Variants in AASS observed in about 807,000 individuals in gnomAD.
The protein encoded by AASS is alpha-aminoadipic semialdehyde synthase, mitochondrial.
Under a neutral mutation model 105.4 loss-of-function variants are expected in AASS, and 86 were observed. That is an observed-to-expected ratio of 0.82 (90% CI 0.69 to 0.98). The LOEUF (loss-of-function observed/expected upper bound fraction) is 0.98. AASS is among the 50% of genes least tolerant of loss of function. The pLI is 0.00. For missense variants in AASS, 1,048 were observed against 1,143.2 expected, an observed-to-expected ratio of 0.92 and a Z score of 1.20; for synonymous variants, 381 against 394.8, an observed-to-expected ratio of 0.96 and a Z score of 0.41.
At position 122,113,165 on chromosome 7, in the gene AASS, CTT is replaced by C; in HGVS notation, c.1229_1230del (p.Glu410GlyfsTer14). ...AGCATGTCTCCAAAGCATTCTGTAG[CTT>C]CAATTGGGAGCTGTGCCGGCAAATT... ...IDNLPAQLPI[E>X]ATECFGDMLY... On this transcript the variant is annotated frameshift_variant, in exon 11 of 24. Transcript: ENST00000417368. LOFTEE classifies it high-confidence loss of function. 1 of 1,614,064 alleles carries C rather than the reference CTT, an allele frequency of 6.2e-7. No homozygotes were observed. Among genetic ancestry groups the C allele is most frequent in the African/African-American group, 1.3e-5 (1 of 75,060 alleles).
At chr7:122,087,938 T>A (rs1172109351) in intron 18 of AASS, among the ~76,000 whole-genome samples, 1 of 152,142 alleles carries the variant, frequency 6.6e-6, no homozygotes, top group Admixed American at 6.6e-5. Flanking sequence ...CAATGATTCA[T>A]TTAGTGAGAA....
intron 13 of AASS, among the ~76,000 whole-genome samples, chr7:122,100,272 A>G (rs1794365887): frequency 6.6e-6 from 1 of 151,882 alleles, no homozygotes. Context: ...GTCATGTTAG[A>G]CATGTCACTA....
chr7:122,100,829 G>T (rs959626227), intron 13 of AASS, among the ~76,000 whole-genome samples: 3 of 151,846 alleles, frequency 2.0e-5, no homozygotes, highest in African/African-American at 7.2e-5. Context: ...GAGTAGATTT[G>T]CTACATTACT....
At chr7:122,120,507 G>A (rs1425780502) in intron 4 of AASS, among the ~76,000 whole-genome samples, 1 of 151,774 alleles carries the variant, frequency 6.6e-6, no homozygotes, top group African/African-American at 2.4e-5. Flanking sequence ...AGAGAACCAG[G>A]TTTTGGTTTC....
intron 9 of AASS, 132 bp downstream of exon 9, chr7:122,114,942 G>T (rs1003891203): frequency 8.2e-7 from 1 of 1,224,632 alleles, no homozygotes; most frequent in Non-Finnish European, 1.2e-6. Flanking sequence ...GTTGAGTACT[G>T]CCAAGAGGTC....
intron 1 of AASS, among the ~76,000 whole-genome samples, chr7:122,140,609 C>T (rs1293625921): frequency 6.6e-6 from 1 of 150,922 alleles, no homozygotes; most frequent in Non-Finnish European, 1.5e-5. Flanking sequence ...CCAAATGTTC[C>T]AACTTTAATC....
At chr7:122,140,409 C>T (rs1796330540) in intron 1 of AASS, among the ~76,000 whole-genome samples, 1 of 143,602 alleles carries the variant, frequency 7.0e-6, no homozygotes, top group Admixed American at 7.2e-5. Flanking sequence ...GGCGTGGAAC[C>T]CGGGAGGCGG....
chr7:122,121,416 CA>C (rs1795435862), intron 4 of AASS, among the ~76,000 whole-genome samples: 1 of 151,964 alleles, frequency 6.6e-6, no homozygotes, highest in Non-Finnish European at 1.5e-5. Context: ...TTTTTTGAGA[CA>C]GTTAACTCAC....
intron 4 of AASS, among the ~76,000 whole-genome samples, chr7:122,124,357 C>A (rs945925292): frequency 6.6e-6 from 1 of 152,004 alleles, no homozygotes; most frequent in Non-Finnish European, 1.5e-5. Context: ...ATCTCGGCTT[C>A]CTGCAACCTC....
intron 4 of AASS, among the ~76,000 whole-genome samples, chr7:122,125,380 A>G (rs1795611263): frequency 6.6e-6 from 1 of 152,222 alleles, no homozygotes; most frequent in Non-Finnish European, 1.5e-5. Context: ...GTAAAGAAAC[A>G]GCACATGAAC....
chr7:122,118,494 C>A (rs1427685125), intron 5 of AASS, 41 bp from the exon 6 acceptor site: 1 of 1,614,096 alleles, frequency 6.2e-7, no homozygotes, highest in Admixed American at 1.7e-5. Context: ...TCCACCAGCT[C>A]AGCATTTTTT....
chr7:122,113,621 T>A lies in AASS; in HGVS notation c.1143A>T (p.Ala381=), dbSNP rs1441130999. ...TIEHPFCMYD[A]DQHIIHDSVE... ...ACCTGTCATGAATAATATGCTGGTC[T>A]GCATCATACATGCAAAAGGGATGCT... Residue 381 remains alanine, a synonymous_variant, in exon 10 of 24, where the codon GCA becomes GCT. Transcript: ENST00000417368. The A allele has an allele frequency of 6.2e-7, 1 of 1,613,740 alleles. No individual in the cohort carries two copies. The highest frequency in any genetic ancestry group is 8.5e-7 in the Non-Finnish European group (1 of 1,179,932).
chr7:122,078,131 T>C, intron 22 of AASS, 117 bp from the exon 23 acceptor site: 1 of 956,996 alleles, frequency 1.0e-6, no homozygotes, highest in Non-Finnish European at 1.7e-6. Context: ...ATATGATCAC[T>C]AGACAATTAT....
chr7:122,102,511 T>C (rs769701916), intron 11 of AASS, among the ~76,000 whole-genome samples: 9 of 151,968 alleles, frequency 5.9e-5, no homozygotes, highest in Non-Finnish European at 5.9e-5. Flanking sequence ...TCCCTAACTA[T>C]AGGTTAAGAT....
chr7:122,117,899 G>T (rs527746397), intron 6 of AASS, among the ~76,000 whole-genome samples: 3 of 151,896 alleles, frequency 2.0e-5, no homozygotes, highest in African/African-American at 4.8e-5. Context: ...CAGGTGATCC[G>T]CCTGCCTCGG....
intron 15 of AASS, 144 bp from the exon 16 acceptor site, chr7:122,093,302 T>C (rs1214943859): frequency 2.8e-6 from 2 of 721,678 alleles, no homozygotes; most frequent in Non-Finnish European, 5.0e-6. Context: ...ACACTGTTGG[T>C]GGGAATGTAA....
chr7:122,108,201 A>G (rs1015449745), intron 11 of AASS, among the ~76,000 whole-genome samples: 2 of 152,110 alleles, frequency 1.3e-5, no homozygotes, highest in Non-Finnish European at 2.9e-5. Context: ...ATCAAAGACT[A>G]GCCCAGGGCC....
chr7:122,108,427 A>G (rs115167538), intron 11 of AASS, among the ~76,000 whole-genome samples: 1,685 of 152,230 alleles, frequency 0.011, 37 homozygotes, highest in African/African-American at 0.037. Flanking sequence ...ATTTTCAACA[A>G]AATACTAGAA....
chr7:122,129,979 T>C (rs1335171693), intron 2 of AASS, among the ~76,000 whole-genome samples: 1 of 152,118 alleles, frequency 6.6e-6, no homozygotes. Flanking sequence ...CTATCCTTAC[T>C]GTACATTAGT....
Sources: gnomAD v4.1 joint callset for allele counts (sites outside exome capture counted in the v4.1 genomes callset) on GRCh38, gnomAD v4.1.1 for gene constraint, MANE v1.5 for transcripts, NCBI Gene and HGNC (gene_info 2026-07-23, HGNC 2026-07-21) for gene names.